KIF6: variants seen among roughly 807,000 people sequenced by gnomAD.
KIF6 encodes the protein kinesin-like protein KIF6.
In KIF6, 106 loss-of-function variants were observed where a neutral mutation model predicts 112.7. The ratio of observed to expected loss-of-function variants is 0.94; its 90% CI spans 0.80 to 1.11. KIF6 has a LOEUF of 1.11. Among genes scored for constraint, KIF6 ranks in the 50% least tolerant of loss-of-function variants. KIF6 has a pLI of 0.00. For synonymous variants in KIF6, 339 were observed against 339.9 expected (o/e 1.00, Z 0.03); for missense variants, 929 against 964.0 (o/e 0.96, Z 0.48).
chr6:39,572,427 C>T lies in KIF6; in HGVS notation c.1181+5629G>A, dbSNP rs368237367. On this transcript the variant is annotated intron_variant, in intron 10 of 22. Transcript: ENST00000287152. ...CCAAAGCACCTATTAAAATGATTAG[C>T]GTCTAGTAGGTGCTCAATAAATTCA... Among the ~76,000 whole-genome samples, 68 of 152,154 alleles carry T rather than the reference C, an allele frequency of 4.5e-4. No individual in the cohort carries two copies. The Middle Eastern group carries it at 0.01, about 23-fold the overall frequency.
chr6:39,414,078 G>A (rs1197477110), intron 15 of KIF6, among the ~76,000 whole-genome samples: 1 of 152,134 alleles, frequency 6.6e-6, no homozygotes, highest in Non-Finnish European at 1.5e-5. Flanking sequence ...GAAATGCTGG[G>A]TAGAGGGAAG....
chr6:39,666,355 T>C (rs916943163), intron 3 of KIF6, among the ~76,000 whole-genome samples: 2 of 152,164 alleles, frequency 1.3e-5, no homozygotes, highest in African/African-American at 4.8e-5. Flanking sequence ...TAAACAAGCA[T>C]ATCAGTTCTA....
chr6:39,569,981 G>A (rs968505470), intron 10 of KIF6, among the ~76,000 whole-genome samples: 4 of 152,164 alleles, frequency 2.6e-5, no homozygotes, highest in African/African-American at 7.2e-5. Context: ...ATGGATAAAC[G>A]AGCATTTAAG....
intron 10 of KIF6, 25 bp downstream of exon 10, chr6:39,578,031 A>C (rs1266158804): frequency 6.6e-7 from 1 of 1,513,000 alleles, no homozygotes. Context: ...GTTAAAGAAA[A>C]AGAAAAAAAA....
At chr6:39,633,856 C>T (rs1014499159) in intron 5 of KIF6, among the ~76,000 whole-genome samples, 1 of 152,168 alleles carries the variant, frequency 6.6e-6, no homozygotes, top group African/African-American at 2.4e-5. Flanking sequence ...GAAACTTCCA[C>T]ACACATACAC....
intron 13 of KIF6, among the ~76,000 whole-genome samples, chr6:39,516,305 T>C (rs1777081440): frequency 6.6e-6 from 1 of 150,992 alleles, no homozygotes; most frequent in Non-Finnish European, 1.5e-5. Flanking sequence ...AATGGATATA[T>C]ATATAAAGAG....
At chr6:39,337,112 CTT>C (rs1266461578) in intron 22 of KIF6, among the ~76,000 whole-genome samples, 13 of 102,184 alleles carry the variant, frequency 1.3e-4, no homozygotes, top group Middle Eastern at 5.0e-3. Flanking sequence ...TCTTTCTTCT[CTT>C]TCTTTCTTTC....
chr6:39,512,072 A>G (rs1335776990), intron 13 of KIF6, among the ~76,000 whole-genome samples: 2 of 152,192 alleles, frequency 1.3e-5, no homozygotes, highest in South Asian at 2.1e-4. Context: ...GTGCACATGT[A>G]CCCTAGAACT....
chr6:39,595,502 A>G (rs2150683925), intron 7 of KIF6, among the ~76,000 whole-genome samples: 1 of 152,336 alleles, frequency 6.6e-6, no homozygotes, highest in South Asian at 2.1e-4. Flanking sequence ...TAGTAGATCT[A>G]CCAATGTTTC....
At chr6:39,448,743 A>G (rs937867801) in intron 13 of KIF6, among the ~76,000 whole-genome samples, 1 of 152,180 alleles carries the variant, frequency 6.6e-6, no homozygotes, top group Non-Finnish European at 1.5e-5. Flanking sequence ...TGGCTTTACG[A>G]TGTATTACAC....
chr6:39,605,258 TATC>T (rs1252327481), intron 6 of KIF6, among the ~76,000 whole-genome samples: 1 of 152,144 alleles, frequency 6.6e-6, no homozygotes, highest in Non-Finnish European at 1.5e-5. Context: ...AACAGTAACT[TATC>T]ATAATTGTCT....
chr6:39,666,353 C>A (rs1159151877), intron 3 of KIF6, among the ~76,000 whole-genome samples: 1 of 152,084 alleles, frequency 6.6e-6, no homozygotes, highest in Non-Finnish European at 1.5e-5. Context: ...CATAAACAAG[C>A]ATATCAGTTC....
At chr6:39,346,284 T>G in intron 20 of KIF6, 192 bp downstream of exon 20, 1 of 692,330 alleles carries the variant, frequency 1.4e-6, no homozygotes, top group South Asian at 1.5e-5. Flanking sequence ...AAGTCATGTG[T>G]TGAACCTAAT....
At chr6:39,692,645 T>A (rs1017995087) in intron 3 of KIF6, among the ~76,000 whole-genome samples, 5 of 152,200 alleles carry the variant, frequency 3.3e-5, no homozygotes, top group African/African-American at 1.2e-4. Flanking sequence ...GATGGTTATA[T>A]CATTGAGATA....
In KIF6 at chr6:39,330,595, C is replaced by T. The variant is rs770628271; in HGVS notation, c.*5937G>A. 1 of 152,258 alleles carries T rather than the reference C, an allele frequency of 6.6e-6. No individual in the cohort carries two copies. The highest frequency in any genetic ancestry group is 1.5e-5 in the Non-Finnish European group (1 of 68,054). 9.4% of individuals were successfully genotyped at this position (152,258 alleles called of 1,614,324 possible). A position where few individuals can be genotyped will look rare whatever the true frequency, so the allele number is the denominator to read the frequency against. ...GGGGCTGCCCTCCTGAGATCAGGAG[C>T]TGAGTGAATGGAGAGGGAAGAGTAC... On this transcript the variant is annotated 3_prime_UTR_variant, in exon 23 of 23. Transcript: ENST00000287152.
intron 6 of KIF6, among the ~76,000 whole-genome samples, chr6:39,607,468 C>A (rs1782954555): frequency 6.6e-6 from 1 of 152,112 alleles, no homozygotes; most frequent in Admixed American, 6.5e-5. Flanking sequence ...AGTTTCTTTT[C>A]TTCTATACCT....
intron 3 of KIF6, among the ~76,000 whole-genome samples, chr6:39,683,649 G>C (rs1787662515): frequency 6.6e-6 from 1 of 152,170 alleles, no homozygotes; most frequent in African/African-American, 2.4e-5. Context: ...AGATCAAGAA[G>C]AGAAGACTTA....
rs1226328745 is a variant in KIF6, at chr6:39,560,420, T to C, written c.1182-14732A>G. On this transcript the variant is annotated intron_variant, in intron 10 of 22. Transcript: ENST00000287152. ...AGGCAAGAATCCAACTTGATAGAAA[T>C]CTTTGTAAGTCACATCACTTCTCTG... Among the ~76,000 whole-genome samples the C allele has an allele frequency of 2.6e-5, 4 of 152,336 alleles. No homozygotes were observed. The South Asian group carries it at 6.2e-4, about 24-fold the overall frequency.
intron 9 of KIF6, among the ~76,000 whole-genome samples, chr6:39,580,531 C>T (rs1386855999): frequency 6.6e-6 from 1 of 152,044 alleles, no homozygotes; most frequent in Non-Finnish European, 1.5e-5. Flanking sequence ...TTAAGACATT[C>T]CTGTCTTATT....
Sources: gnomAD v4.1 joint callset for allele counts (sites outside exome capture counted in the v4.1 genomes callset) on GRCh38, gnomAD v4.1.1 for gene constraint, MANE v1.5 for transcripts, NCBI Gene and HGNC (gene_info 2026-07-23, HGNC 2026-07-21) for gene names.